DTNA: variants seen among roughly 807,000 people sequenced by gnomAD.
DTNA encodes dystrophin-related protein 3.
Under a neutral mutation model 100.7 loss-of-function variants are expected in DTNA, and 43 were observed. That is an observed-to-expected ratio of 0.43 (90% confidence interval 0.33 to 0.55). The LOEUF is 0.55. Ranked by LOEUF, DTNA falls within the 20% of genes least tolerant of loss-of-function variation. DTNA has a pLI of 0.04. For missense variants in DTNA, 798 were observed against 953.9 expected (o/e 0.84, Z 2.15); for synonymous variants, 349 against 347.9 (o/e 1.00, Z -0.04).
chr18:34,561,212 T>A (rs2046605976), intron 1 of DTNA, among the ~76,000 whole-genome samples: 1 of 152,164 alleles, frequency 6.6e-6, no homozygotes, highest in Non-Finnish European at 1.5e-5. Context: ...GACAACGGAT[T>A]TTAGCATCAC....
At chr18:34,502,020 T>C (rs1362898513) in intron 1 of DTNA, among the ~76,000 whole-genome samples, 3 of 152,208 alleles carry the variant, frequency 2.0e-5, no homozygotes, top group Middle Eastern at 3.2e-3. Context: ...ACGTTTTGAG[T>C]TCCTGGGGGC....
intron 1 of DTNA, among the ~76,000 whole-genome samples, chr18:34,663,802 C>G (rs2075528735): frequency 6.6e-6 from 1 of 152,154 alleles, no homozygotes; most frequent in Admixed American, 6.5e-5. Context: ...TTGACAGCTT[C>G]TCAATACCTT....
intron 1 of DTNA, among the ~76,000 whole-genome samples, chr18:34,748,864 A>G (rs760767543): frequency 4.6e-5 from 7 of 152,084 alleles, no homozygotes; most frequent in Non-Finnish European, 7.4e-5. Context: ...TTTGATGGAA[A>G]TTGCATTGAA....
At chr18:34,827,515 C>G in intron 9 of DTNA, 78 bp from the exon 10 acceptor site, 1 of 1,351,752 alleles carries the variant, frequency 7.4e-7, no homozygotes, top group East Asian at 2.3e-5. Flanking sequence ...ATCCCGTTTC[C>G]TGGAGGGATG....
intron 1 of DTNA, among the ~76,000 whole-genome samples, chr18:34,595,783 C>T (rs559271773): frequency 6.6e-6 from 1 of 152,240 alleles, no homozygotes; most frequent in South Asian, 2.1e-4. Context: ...TGTTTTCCTC[C>T]AGAGAAGACT....
intron 1 of DTNA, among the ~76,000 whole-genome samples, chr18:34,752,726 G>T (rs796102065): frequency 6.6e-6 from 1 of 151,802 alleles, no homozygotes; most frequent in South Asian, 2.1e-4. Flanking sequence ...CTCTTCCAAG[G>T]TACACATTTG....
intron 1 of DTNA, among the ~76,000 whole-genome samples, chr18:34,669,920 T>C (rs565092291): frequency 3.5e-4 from 54 of 152,326 alleles, no homozygotes; most frequent in Admixed American, 5.9e-4. Context: ...GTTGCTCTTC[T>C]TGAGGAGTAT....
intron 17 of DTNA, among the ~76,000 whole-genome samples, chr18:34,873,623 C>T (rs2096786931): frequency 6.6e-6 from 1 of 152,216 alleles, no homozygotes; most frequent in Non-Finnish European, 1.5e-5. Flanking sequence ...GTACTGGGCT[C>T]CACAACTTCA....
chr18:34,562,491 C>T (rs933438579), intron 1 of DTNA, among the ~76,000 whole-genome samples: 1 of 152,154 alleles, frequency 6.6e-6, no homozygotes, highest in African/African-American at 2.4e-5. Flanking sequence ...ATGATGCCAC[C>T]GGAAGTGGCA....
intron 1 of DTNA, among the ~76,000 whole-genome samples, chr18:34,738,420 C>A (rs926501280): frequency 2.0e-5 from 3 of 152,122 alleles, no homozygotes; most frequent in African/African-American, 7.2e-5. Context: ...TTCCAGGAGC[C>A]TCAGAAACAA....
intron 4 of DTNA, among the ~76,000 whole-genome samples, chr18:34,799,681 T>G (rs1391113555): frequency 6.6e-6 from 1 of 152,226 alleles, no homozygotes; most frequent in African/African-American, 2.4e-5. Flanking sequence ...TGAAAAATAC[T>G]TTGTTCAAAA....
At chr18:34,623,616 A>C (rs2056877189) in intron 1 of DTNA, among the ~76,000 whole-genome samples, 1 of 152,216 alleles carries the variant, frequency 6.6e-6, no homozygotes, top group Non-Finnish European at 1.5e-5. Context: ...CAGGGCTTTT[A>C]TATCCTTAAA....
chr18:34,678,932 T>C (rs191267771), intron 1 of DTNA, among the ~76,000 whole-genome samples: 97 of 152,330 alleles, frequency 6.4e-4, no homozygotes, highest in Admixed American at 1.0e-3. Flanking sequence ...GTTGCCTTTG[T>C]AGTCCACCTT....
At chr18:34,837,188 C>T (rs904752595) in intron 11 of DTNA, among the ~76,000 whole-genome samples, 1 of 152,064 alleles carries the variant, frequency 6.6e-6, no homozygotes, top group African/African-American at 2.4e-5. Flanking sequence ...TTTAGATTCA[C>T]CAGTGTGCAG....
chr18:34,537,584 A>G lies in DTNA; in HGVS notation c.-2+44070A>G, dbSNP rs554071254. The stretch of plus-strand genomic sequence containing the variant: ...AGAAAGTTGTAATTATCAGAAATTC[A>G]CCTCAATGCATTTAAATTCTGAAAT... On this transcript the variant is annotated intron_variant, in intron 1 of 19. Coordinates refer to the DTNA transcript ENST00000283365. Among the ~76,000 whole-genome samples, 13 of 152,086 alleles carry G rather than the reference A, an allele frequency of 8.5e-5. No individual in the cohort carries two copies. The South Asian group carries it at 2.7e-3, about 32-fold the overall frequency.
chr18:34,599,078 G>T (rs1239401773), intron 1 of DTNA, among the ~76,000 whole-genome samples: 1 of 152,068 alleles, frequency 6.6e-6, no homozygotes, highest in Non-Finnish European at 1.5e-5. Flanking sequence ...TTATTGTGAG[G>T]CTTTGATACG....
intron 1 of DTNA, among the ~76,000 whole-genome samples, chr18:34,550,297 T>A (rs1457338592): frequency 1.3e-5 from 2 of 152,108 alleles, no homozygotes; most frequent in Non-Finnish European, 2.9e-5. Flanking sequence ...TCTAAGGGAC[T>A]AGTGAGCAGA....
chr18:34,669,192 G>T (rs2076383510), intron 1 of DTNA, among the ~76,000 whole-genome samples: 1 of 152,076 alleles, frequency 6.6e-6, no homozygotes, highest in South Asian at 2.1e-4. Flanking sequence ...GGCCTTCTTT[G>T]TCTCTTTTGA....
At chr18:34,766,213 T>C (rs999777586) in intron 3 of DTNA, among the ~76,000 whole-genome samples, 172 bp downstream of exon 3, 2 of 152,204 alleles carry the variant, frequency 1.3e-5, no homozygotes, top group African/African-American at 4.8e-5. Flanking sequence ...GACTCCTAAG[T>C]AGTCTTGAAA....
Sources: allele counts gnomAD v4.1 joint callset (sites outside exome capture counted in the v4.1 genomes callset), GRCh38; gene constraint gnomAD v4.1.1; transcripts MANE v1.5; gene names NCBI Gene and HGNC (gene_info 2026-07-23, HGNC 2026-07-21).